Variants in DCDC1 observed in about 807,000 individuals in gnomAD.
DCDC1 encodes doublecortin domain containing 1, also known as doublecortin domain-containing protein 1.
DCDC1 carries 200 observed loss-of-function variants against 178.3 expected under a neutral mutation model. That is an observed-to-expected ratio of 1.12 (90% CI 1.00 to 1.26). DCDC1 has a LOEUF of 1.26. Ranked by LOEUF, DCDC1 falls within the 50% of genes most tolerant of loss-of-function variation. The pLI is 0.00. For synonymous variants in DCDC1, 690 were observed against 604.8 expected (o/e 1.14, Z -2.07); for missense variants, 1,983 against 1,749.2 (o/e 1.13, Z -2.38).
At chr11:31,180,509 C>T (rs1430817340) in intron 9 of DCDC1, among the ~76,000 whole-genome samples, 1 of 152,132 alleles carries the variant, frequency 6.6e-6, no homozygotes, top group Non-Finnish European at 1.5e-5. Flanking sequence ...CCCATCTCGT[C>T]TCATTGGGAC....
intron 12 of DCDC1, among the ~76,000 whole-genome samples, chr11:31,107,998 G>A (rs1958964200): frequency 6.6e-6 from 1 of 152,118 alleles, no homozygotes; most frequent in African/African-American, 2.4e-5. Context: ...CCCATTGAGG[G>A]TATATTGAGA....
intron 9 of DCDC1, among the ~76,000 whole-genome samples, chr11:31,225,712 G>GAT (rs1442662767): frequency 6.7e-6 from 1 of 149,812 alleles, no homozygotes; most frequent in African/African-American, 2.4e-5. Context: ...TATCTAGGTA[G>GAT]ATATATATCT....
At chr11:30,888,114 GAAAGAAAGAA>G (rs766267217) in intron 36 of DCDC1, among the ~76,000 whole-genome samples, 1 of 125,178 alleles carries the variant, frequency 8.0e-6, no homozygotes, top group South Asian at 2.6e-4. Context: ...AAGAAAGAAA[GAAAGAAAGAA>G]AGAAAGAAAG....
Position 30,900,234 on chromosome 11 carries a change from G to A in DCDC1, c.4663+112C>T, listed in dbSNP as rs1473782741. ...CTTCTGTTCTTTGTATAAATGTGAT[G>A]TTATTATGTTGATATTATACACATT... On this transcript the variant is annotated intron_variant, in intron 33 of 38. Coordinates refer to ENST00000684477, the MANE Select transcript of DCDC1 (RefSeq NM_001387274.1). The A allele has an allele frequency of 4.2e-6, 4 of 963,622 alleles. No individual in the cohort carries two copies. In the African/African-American group the frequency reaches 5.1e-5, roughly 12 times the overall value. The allele number at this position is 963,622 out of a possible 1,614,324, so 59.7% of individuals were successfully genotyped here.
At chr11:30,919,281 T>G (rs1305939584) in intron 25 of DCDC1, among the ~76,000 whole-genome samples, 2 of 152,122 alleles carry the variant, frequency 1.3e-5, no homozygotes, top group Non-Finnish European at 2.9e-5. Flanking sequence ...AATAATTATT[T>G]AAATGTTAGA....
chr11:31,144,162 T>C (rs981445522), intron 9 of DCDC1, among the ~76,000 whole-genome samples: 10 of 152,204 alleles, frequency 6.6e-5, no homozygotes, highest in African/African-American at 2.4e-4. Flanking sequence ...ACAGGGTCTT[T>C]CTTGCTCTGT....
chr11:31,057,171 T>C (rs1276478018), intron 20 of DCDC1, among the ~76,000 whole-genome samples: 4 of 150,404 alleles, frequency 2.7e-5, no homozygotes, highest in Non-Finnish European at 4.4e-5. Flanking sequence ...GAGGCAGAGG[T>C]TGCAGTGAAC....
intron 7 of DCDC1, among the ~76,000 whole-genome samples, chr11:31,281,443 AT>A (rs1003675579): frequency 8.6e-5 from 13 of 151,462 alleles, no homozygotes; most frequent in African/African-American, 2.7e-4. Context: ...TGCTATGAAA[AT>A]TTTTTTTTGT....
intron 8 of DCDC1, among the ~76,000 whole-genome samples, chr11:31,244,995 T>A (rs999328430): frequency 2.0e-5 from 3 of 151,688 alleles, no homozygotes; most frequent in African/African-American, 7.2e-5. Flanking sequence ...AGTAGCTATA[T>A]TCATTTCATA....
At chr11:31,213,078 TCATCTTCTATATAAAGCCCAGCC>T (rs1972827129) in intron 9 of DCDC1, among the ~76,000 whole-genome samples, 3 of 148,694 alleles carry the variant, frequency 2.0e-5, no homozygotes, top group African/African-American at 7.4e-5. Flanking sequence ...TGAAACTGTG[TCATCTTCTATATAAAGCCCAGCC>T]TCTCTCTCTC....
At chr11:31,099,702 TTTTG>T (rs891869767) in intron 15 of DCDC1, among the ~76,000 whole-genome samples, 28 of 150,316 alleles carry the variant, frequency 1.9e-4, no homozygotes, top group African/African-American at 6.1e-4. Context: ...GGCAGGGTTT[TTTTG>T]TTTGTTTGTT....
intron 8 of DCDC1, among the ~76,000 whole-genome samples, chr11:31,244,505 G>T (rs1977591780): frequency 6.6e-6 from 1 of 151,686 alleles, no homozygotes; most frequent in African/African-American, 2.4e-5. Context: ...ACTCATTCAA[G>T]AAAGTTATCC....
intron 34 of DCDC1, among the ~76,000 whole-genome samples, chr11:30,898,939 G>C (rs1426136967): frequency 1.3e-5 from 2 of 152,038 alleles, no homozygotes; most frequent in African/African-American, 4.8e-5. Context: ...CTCAAGTCCT[G>C]GGAATAGTAT....
At chr11:31,250,264 G>A (rs1311197424) in intron 8 of DCDC1, among the ~76,000 whole-genome samples, 3 of 149,398 alleles carry the variant, frequency 2.0e-5, no homozygotes, top group African/African-American at 7.4e-5. Flanking sequence ...CTATTTAAAA[G>A]TCAAAGAGAA....
At chr11:31,011,573 C>T (rs1426285594) in intron 20 of DCDC1, among the ~76,000 whole-genome samples, 2 of 152,138 alleles carry the variant, frequency 1.3e-5, no homozygotes, top group African/African-American at 2.4e-5. Context: ...CAATGAAGTA[C>T]CATTTTAAAT....
intron 20 of DCDC1, among the ~76,000 whole-genome samples, chr11:30,952,784 T>C (rs1456429069): frequency 6.6e-6 from 1 of 152,150 alleles, no homozygotes; most frequent in Non-Finnish European, 1.5e-5. Flanking sequence ...TAAGGCAAAA[T>C]TGGCAATGTT....
chr11:31,315,574 G>A (rs1034360493), intron 3 of DCDC1, among the ~76,000 whole-genome samples: 2 of 149,844 alleles, frequency 1.3e-5, no homozygotes, highest in Non-Finnish European at 3.0e-5. Flanking sequence ...CTGACCTTGT[G>A]ATCCGCCCAC....
At chr11:31,001,280 C>T (rs1197227504) in intron 20 of DCDC1, among the ~76,000 whole-genome samples, 3 of 151,890 alleles carry the variant, frequency 2.0e-5, no homozygotes, top group East Asian at 1.9e-4. Context: ...GCTTATAAAC[C>T]ATATTAAGTG....
At chr11:31,340,236 T>A (rs1461696622) in intron 1 of DCDC1, among the ~76,000 whole-genome samples, 1 of 151,934 alleles carries the variant, frequency 6.6e-6, no homozygotes, top group Non-Finnish European at 1.5e-5. Flanking sequence ...TAAAAAAAAA[T>A]TAGCAAGAAT....
Sources: allele counts gnomAD v4.1 joint callset (sites outside exome capture counted in the v4.1 genomes callset), GRCh38; gene constraint gnomAD v4.1.1; transcripts MANE v1.5; gene names NCBI Gene and HGNC (gene_info 2026-07-23, HGNC 2026-07-21).